The following MORN4 variants were observed in gnomAD, a reference collection of about 807,000 sequenced individuals.
The protein encoded by MORN4 is MORN repeat-containing protein 4.
In MORN4, 8 loss-of-function variants were observed where a neutral mutation model predicts 16.4. The observed-to-expected ratio is 0.49, with a 90% CI of 0.29 to 0.88. The LOEUF is 0.88. Among genes scored for constraint, MORN4 ranks in the 40% least tolerant of loss-of-function variants. The probability of loss-of-function intolerance (pLI) is 0.09; values close to 1 mark genes in which losing one functional copy is unlikely to be tolerated. For synonymous variants in MORN4, 53 were observed against 68.9 expected, an observed-to-expected ratio of 0.77 and a Z score of 1.14; for missense variants, 159 against 182.9, an observed-to-expected ratio of 0.87 and a Z score of 0.75.
rs187104161 is a variant in MORN4, at chr10:97,617,302, G to A, written c.88C>T (p.Gln30Ter). 6.2e-7 allele frequency: 1 copy of A among 1,614,118 alleles called. No homozygotes were observed. The highest frequency in any genetic ancestry group is 8.5e-7 in the Non-Finnish European group (1 of 1,180,000). Residue 30 changes from glutamine (Q) to a stop codon, truncating the protein, a stop_gained, in exon 3 of 5, where the codon CAA becomes TAA. Transcript: ENST00000307450. LOFTEE classifies it high-confidence loss of function. ...WKEGRRHGFG[Q>*]LMFADGGTYL... ...GTGCCACCATCTGCAAACATCAGTT[G>A]ACCAAAACCATGCCTGCGGCCTGAA...
At chr10:97,617,145 G>T in intron 3 of MORN4, 63 bp downstream of exon 3, 1 of 1,234,874 alleles carries the variant, frequency 8.1e-7, no homozygotes, top group Non-Finnish European at 1.2e-6. Flanking sequence ...ATTTACCAGA[G>T]TCCCATTTTT....
intron 1 of MORN4, among the ~76,000 whole-genome samples, chr10:97,626,637 G>A (rs969705171): frequency 2.0e-5 from 3 of 151,558 alleles, no homozygotes; most frequent in African/African-American, 7.3e-5. Context: ...TGTATTTTTA[G>A]TAGAGACAGG....
intron 2 of MORN4, among the ~76,000 whole-genome samples, chr10:97,618,242 T>C (rs2041255198): frequency 6.6e-6 from 1 of 150,632 alleles, no homozygotes; most frequent in African/African-American, 2.4e-5. Flanking sequence ...GCCTTTACTA[T>C]GTGCCAGCCT....
chr10:97,618,757 T>A (rs1364365049), intron 2 of MORN4, among the ~76,000 whole-genome samples: 1 of 151,954 alleles, frequency 6.6e-6, no homozygotes, highest in Non-Finnish European at 1.5e-5. Flanking sequence ...ATTTGCCCAG[T>A]AGCTTTAAGG....
At chr10:97,626,237 C>T (rs1283881590) in intron 1 of MORN4, among the ~76,000 whole-genome samples, 1 of 151,584 alleles carries the variant, frequency 6.6e-6, no homozygotes, top group Non-Finnish European at 1.5e-5. Flanking sequence ...ATTAGCCAGG[C>T]GTGGTGGCAC....
intron 1 of MORN4, among the ~76,000 whole-genome samples, chr10:97,626,281 A>G (rs551133053): frequency 7.3e-4 from 110 of 151,652 alleles, no homozygotes; most frequent in African/African-American, 2.5e-3. Flanking sequence ...AGAGGCTGAG[A>G]CAGGAGAATC....
intron 3 of MORN4, 151 bp downstream of exon 3, chr10:97,617,057 A>G (rs1447456241): frequency 1.0e-5 from 7 of 684,948 alleles, no homozygotes; most frequent in Non-Finnish European, 1.0e-5. Flanking sequence ...GGTCCACTTA[A>G]AAAATAGCTA....
At chr10:97,630,839 T>C (rs574503599) in intron 1 of MORN4, among the ~76,000 whole-genome samples, 1 of 152,286 alleles carries the variant, frequency 6.6e-6, no homozygotes, top group Non-Finnish European at 1.5e-5. Flanking sequence ...TCAGTGCCGA[T>C]GAAGACTGAA....
intron 2 of MORN4, among the ~76,000 whole-genome samples, chr10:97,619,162 T>C (rs1035335116): frequency 3.3e-5 from 5 of 151,894 alleles, no homozygotes; most frequent in Non-Finnish European, 7.4e-5. Flanking sequence ...CCGTCTCTAC[T>C]AAAAATACAA....
intron 1 of MORN4, among the ~76,000 whole-genome samples, chr10:97,632,483 T>C (rs1392033261): frequency 1.2e-4 from 18 of 152,078 alleles, no homozygotes; most frequent in Non-Finnish European, 1.5e-4. Context: ...TCCCAAAGTG[T>C]TGGGATTACA....
At chr10:97,618,258 C>CTTTTTTTTTT (rs1192502394) in intron 2 of MORN4, among the ~76,000 whole-genome samples, 26 of 92,826 alleles carry the variant, frequency 2.8e-4, no homozygotes, top group East Asian at 2.5e-3. Context: ...AGCCTCTCTT[C>CTTTTTTTTTT]TTTTTTTTTT....
chr10:97,624,813 C>T (rs189467555), intron 1 of MORN4, among the ~76,000 whole-genome samples: 3 of 152,234 alleles, frequency 2.0e-5, no homozygotes, highest in African/African-American at 7.2e-5. Context: ...CCGCCTCAGC[C>T]TCCCAAGTAG....
At chr10:97,629,295 G>C (rs562677780) in intron 1 of MORN4, among the ~76,000 whole-genome samples, 1 of 152,328 alleles carries the variant, frequency 6.6e-6, no homozygotes, top group South Asian at 2.1e-4. Context: ...GCTGAGGCAG[G>C]AGAATTGCTT....
intron 2 of MORN4, among the ~76,000 whole-genome samples, chr10:97,618,426 A>T (rs145496591): frequency 6.6e-6 from 1 of 151,992 alleles, no homozygotes; most frequent in Admixed American, 6.6e-5. Flanking sequence ...GATTACAGGC[A>T]TGAGCCACTG....
In MORN4 at chr10:97,616,763, G is replaced by A; in HGVS notation, c.207C>T (p.Gly69=). The A allele has an allele frequency of 7.4e-6, 12 of 1,613,914 alleles. No individual in the cohort carries two copies. Among genetic ancestry groups the A allele is most frequent in the Non-Finnish European group, 1.0e-5 (12 of 1,179,858 alleles). Residue 69 remains glycine, a synonymous_variant, in exon 4 of 5, where the codon GGC becomes GGT. Coordinates refer to ENST00000307450, the MANE Select transcript of MORN4 (RefSeq NM_178832.4). ...GSRYEGEFAQ[G]KFNGVGVFIR... is the part of the protein sequence containing the mutation. ...TGAAGACTCCGACGCCATTAAACTT[G>A]CCCTGGGCAAACTCCCCCTCATACC...
chr10:97,633,498 A>C lies in MORN4; in HGVS notation c.-182T>G, dbSNP rs761904378. ...TGACGCCGCCATCCTGGGCGACCGC[A>C]CTGGGTACAATTCCCGCTGCCCATT... On this transcript the variant is annotated 5_prime_UTR_variant, in exon 1 of 5. Coordinates refer to ENST00000307450, the MANE Select transcript of MORN4 (RefSeq NM_178832.4). The surrounding 1 kb of genome is among the most constrained non-coding windows in gnomAD (Gnocchi z 4.5). 7.8e-7 allele frequency: 1 copy of C among 1,289,794 alleles called. No homozygotes were observed. The allele number at this position is 1,289,794 out of a possible 1,614,324, so 79.9% of individuals were successfully genotyped here.
intron 4 of MORN4, 60 bp from the exon 5 acceptor site, chr10:97,616,471 A>G (rs1308871104): frequency 1.3e-6 from 2 of 1,530,544 alleles, no homozygotes; most frequent in Non-Finnish European, 1.8e-6. Context: ...CAAAGATGAG[A>G]CATATCTTTG....
At chr10:97,623,194 TTAGATCC>T (rs554831226) in intron 1 of MORN4, among the ~76,000 whole-genome samples, 203 of 152,282 alleles carry the variant, frequency 1.3e-3, no homozygotes, top group Non-Finnish European at 2.3e-3. Flanking sequence ...AAGCACATCA[TTAGATCC>T]TTACTTCAAA....
chr10:97,617,338 G>C lies in MORN4; in HGVS notation c.68-16C>G. 6.2e-7 allele frequency: 1 copy of C among 1,610,128 alleles called. No individual in the cohort carries two copies. The highest frequency in any genetic ancestry group is 8.5e-7 in the Non-Finnish European group (1 of 1,176,382). ...TGCCTGCGGCCTGAACAAAGAGAAGGATAGGTGTCAGGTTGGAAGGAGGCA... is the reference window on the plus strand; with the variant it reads ...TGCCTGCGGCCTGAACAAAGAGAAGCATAGGTGTCAGGTTGGAAGGAGGCA... On this transcript the variant is annotated splice_polypyrimidine_tract_variant and intron_variant, in intron 2 of 4. Coordinates refer to ENST00000307450, the MANE Select transcript of MORN4 (RefSeq NM_178832.4).
Sources: gnomAD v4.1 joint callset for allele counts (sites outside exome capture counted in the v4.1 genomes callset) on GRCh38, gnomAD v4.1.1 for gene constraint, Gnocchi (gnomAD v3.1) non-coding constraint, MANE v1.5 for transcripts, NCBI Gene and HGNC (gene_info 2026-07-23, HGNC 2026-07-21) for gene names.